Variants in CSMD2 observed in about 807,000 individuals in gnomAD.
The protein encoded by CSMD2 is CUB and sushi domain-containing protein 2.
In CSMD2, 130 loss-of-function variants were observed where a neutral mutation model predicts 398.5. The observed-to-expected ratio is 0.33, with a 90% CI of 0.28 to 0.38. The LOEUF (loss-of-function observed/expected upper bound fraction) is 0.38, where lower values mean the gene tolerates loss of function less well. Among genes scored for constraint, CSMD2 ranks in the 10% least tolerant of loss-of-function variants. CSMD2 has a pLI of 1.00. For missense variants in CSMD2, 3,829 were observed against 4,764.9 expected (o/e 0.80, Z 5.78); for synonymous variants, 1,828 against 1,908.5 (o/e 0.96, Z 1.10).
In CSMD2 at chr1:33,718,394, C is replaced by T. The variant is rs139000196; in HGVS notation, c.3002-1893G>A. ...CATGCACATGGGCCATGCCCCATGT[C>T]GGAGCTTGAATCCAGATTTGATGTG... On this transcript the variant is annotated intron_variant, in intron 19 of 70. Transcript: ENST00000373381. 2.7e-3 allele frequency among the ~76,000 whole-genome samples: 410 copies of T among 152,282 alleles called. 2 individuals carry two copies. The Middle Eastern group carries it at 0.061, about 23-fold the overall frequency.
intron 6 of CSMD2, among the ~76,000 whole-genome samples, chr1:33,834,188 G>A (rs1465331553): frequency 2.0e-5 from 2 of 101,802 alleles, no homozygotes; most frequent in East Asian, 3.6e-4. Context: ...AGCCCGCATC[G>A]CCAAATCAAT....
At chr1:33,541,072 A>G (rs1656286510) in intron 59 of CSMD2, 58 bp downstream of exon 59, 1 of 1,538,532 alleles carries the variant, frequency 6.5e-7, no homozygotes, top group Non-Finnish European at 8.9e-7. Flanking sequence ...CTCAGGGCCT[A>G]CATCTCACTT....
intron 27 of CSMD2, among the ~76,000 whole-genome samples, chr1:33,654,348 T>A (rs2148974752): frequency 6.6e-6 from 1 of 152,286 alleles, no homozygotes; most frequent in Middle Eastern, 3.4e-3. Context: ...CCAGAGTCAC[T>A]CTGAGACTCA....
At chr1:34,082,220 T>C (rs1657274487) in intron 2 of CSMD2, among the ~76,000 whole-genome samples, 2 of 144,338 alleles carry the variant, frequency 1.4e-5, no homozygotes. Flanking sequence ...GTCTGGGAAG[T>C]GAGGAGCGCC....
chr1:34,067,918 G>GGGGA (rs1655290966), intron 2 of CSMD2, among the ~76,000 whole-genome samples: 1 of 152,154 alleles, frequency 6.6e-6, no homozygotes, highest in Non-Finnish European at 1.5e-5. Context: ...AGTCAGGATT[G>GGGGA]GGGAGGCACA....
intron 7 of CSMD2, among the ~76,000 whole-genome samples, chr1:33,824,939 C>T (rs1041388081): frequency 6.6e-6 from 1 of 152,146 alleles, no homozygotes; most frequent in Non-Finnish European, 1.5e-5. Context: ...AAAACCTCCC[C>T]TGCTTTTAAG....
chr1:33,918,721 A>C (rs1643850329), intron 4 of CSMD2, among the ~76,000 whole-genome samples: 1 of 152,216 alleles, frequency 6.6e-6, no homozygotes, highest in Admixed American at 6.5e-5. Flanking sequence ...TGAGCCAAAA[A>C]GATTTGGAGA....
Position 33,706,399 on chromosome 1 carries a change from T to C in CSMD2, c.3576+2690A>G, listed in dbSNP as rs532438681. Among the ~76,000 whole-genome samples the C allele has an allele frequency of 1.5e-4, 23 of 152,360 alleles. No homozygotes were observed. In the South Asian group the frequency reaches 4.4e-3, roughly 29 times the overall value. On this transcript the variant is annotated intron_variant, in intron 22 of 70. Transcript: ENST00000373381. ...TCCATTCCATTTTTTAATTGGGTGA[T>C]CATGTTTTTCATCTCTATTCAATCT...
intron 47 of CSMD2, among the ~76,000 whole-genome samples, chr1:33,581,354 T>TAAA (rs35599517): frequency 5.9e-5 from 5 of 84,220 alleles, no homozygotes; most frequent in East Asian, 3.7e-4. Flanking sequence ...CCATCTTTAC[T>TAAA]AAAAAAAAAA....
chr1:33,584,619 A>G (rs1286184389), intron 46 of CSMD2, among the ~76,000 whole-genome samples: 1 of 150,488 alleles, frequency 6.6e-6, no homozygotes, highest in East Asian at 1.9e-4. Flanking sequence ...GTGAGCTGAG[A>G]TTGCACCACT....
intron 1 of CSMD2, among the ~76,000 whole-genome samples, chr1:34,159,407 C>A (rs1012672524): frequency 2.0e-5 from 3 of 147,008 alleles, no homozygotes; most frequent in Non-Finnish European, 4.4e-5. Flanking sequence ...GGATTCAGGC[C>A]TCAAAAGCAG....
At chr1:34,105,981 C>G (rs1175306183) in intron 1 of CSMD2, among the ~76,000 whole-genome samples, 1 of 152,106 alleles carries the variant, frequency 6.6e-6, no homozygotes, top group Admixed American at 6.5e-5. Flanking sequence ...TTAGGGACCC[C>G]ATGGATTCTA....
chr1:33,946,687 T>C (rs1346836946), intron 3 of CSMD2, among the ~76,000 whole-genome samples: 1 of 151,852 alleles, frequency 6.6e-6, no homozygotes. Flanking sequence ...GGCATAATCT[T>C]GGCTCACTGC....
intron 5 of CSMD2, among the ~76,000 whole-genome samples, chr1:33,854,905 G>A (rs1364335637): frequency 6.6e-6 from 1 of 152,156 alleles, no homozygotes; most frequent in Non-Finnish European, 1.5e-5. Flanking sequence ...CTTGTGTATG[G>A]GGTGGTGGCA....
chr1:33,714,463 T>A (rs1311129286), intron 21 of CSMD2, 124 bp downstream of exon 21: 27 of 1,129,252 alleles, frequency 2.4e-5, no homozygotes, highest in Non-Finnish European at 3.2e-5. Flanking sequence ...CCACTGCAGG[T>A]AAGTGTGGTA....
rs772828640 is a variant in CSMD2, at chr1:33,537,445, T to G, written c.9796A>C (p.Ser3266Arg). Residue 3266 changes from serine (S) to arginine (R), a missense_variant, in exon 61 of 71, where the codon AGC becomes CGC. This residue lies in a region of CSMD2 where 917 missense variants were observed against 1,199.5 expected (regional missense o/e 0.76). Transcript: ENST00000373381. This position sits in a 1 kb window ranked among gnomAD's most constrained non-coding sequence, Gnocchi z 4.6. ...SDGTWSGTQP[S>R]CIDPTLTTCA... Reference sequence around the variant, plus strand: ...CCAGATGACCTCTCACCTATGCAGCTGGGCTGGGTGCCACTCCATGTCCCA... The same window carrying G: ...CCAGATGACCTCTCACCTATGCAGCGGGGCTGGGTGCCACTCCATGTCCCA... 6.2e-7 allele frequency: 1 copy of G among 1,612,606 alleles called. No homozygotes were observed. Among genetic ancestry groups the G allele is most frequent in the Non-Finnish European group, 8.5e-7 (1 of 1,179,176 alleles).
intron 1 of CSMD2, among the ~76,000 whole-genome samples, chr1:34,158,966 G>A (rs1361260270): frequency 1.3e-5 from 2 of 152,188 alleles, no homozygotes; most frequent in Non-Finnish European, 1.5e-5. Flanking sequence ...CCTCCTACTT[G>A]AAGATGCCCC....
chr1:33,776,520 G>C (rs1651990838), intron 12 of CSMD2, among the ~76,000 whole-genome samples: 2 of 152,152 alleles, frequency 1.3e-5, no homozygotes, highest in South Asian at 4.2e-4. Flanking sequence ...CTGGAGAAGA[G>C]GAAATCATGC....
At chr1:33,571,390 T>C in intron 51 of CSMD2, 142 bp downstream of exon 51, 1 of 507,324 alleles carries the variant, frequency 2.0e-6, no homozygotes, top group African/African-American at 2.0e-5. Context: ...CTCCTGATTC[T>C]ACTAGATGAG....
Sources: gnomAD v4.1 joint callset for allele counts (sites outside exome capture counted in the v4.1 genomes callset) on GRCh38, gnomAD v4.1.1 for gene constraint, gnomAD v4.1.1 regional missense constraint, Gnocchi (gnomAD v3.1) non-coding constraint, MANE v1.5 for transcripts, NCBI Gene and HGNC (gene_info 2026-07-23, HGNC 2026-07-21) for gene names.